DDX46: variants seen among roughly 807,000 people sequenced by gnomAD.
DDX46 encodes the protein DEAD-box helicase 46.
In DDX46, 30 loss-of-function variants were observed where a neutral mutation model predicts 134.9. The ratio of observed to expected loss-of-function variants is 0.22; its 90% CI spans 0.17 to 0.30. The LOEUF (loss-of-function observed/expected upper bound fraction) is 0.30. Among genes scored for constraint, DDX46 ranks in the 10% least tolerant of loss-of-function variants. The pLI, the probability that DDX46 is intolerant of heterozygous loss-of-function variation, is 1.00. For missense variants in DDX46, 622 were observed against 1,248.7 expected (o/e 0.50, Z 7.56); for synonymous variants, 415 against 404.1 (o/e 1.03, Z -0.32).
intron 18 of DDX46, 117 bp from the exon 19 acceptor site, chr5:134,816,313 A>G (rs1035003612): frequency 1.1e-6 from 1 of 936,900 alleles, no homozygotes; most frequent in Non-Finnish European, 1.5e-6. Context: ...TTGTGTAAAT[A>G]TAACTATCTG....
At chr5:134,805,796 G>GT (rs1325710497) in intron 15 of DDX46, among the ~76,000 whole-genome samples, 1 of 152,066 alleles carries the variant, frequency 6.6e-6, no homozygotes, top group Non-Finnish European at 1.5e-5. Flanking sequence ...GCCTCCGAAA[G>GT]TGCTGGGATT....
intron 11 of DDX46, among the ~76,000 whole-genome samples, chr5:134,786,513 C>G (rs1279415437): frequency 6.6e-6 from 1 of 152,058 alleles, no homozygotes; most frequent in Non-Finnish European, 1.5e-5. Context: ...TCTCTGATCT[C>G]TGAGCATTTG....
chr5:134,793,021 G>A (rs763775388), intron 13 of DDX46, among the ~76,000 whole-genome samples: 22 of 152,090 alleles, frequency 1.4e-4, no homozygotes, highest in Non-Finnish European at 2.6e-4. Flanking sequence ...GCTGGGTGTG[G>A]GGGCATGCGC....
chr5:134,809,577 G>A (rs1391277607), intron 16 of DDX46, among the ~76,000 whole-genome samples: 1 of 151,906 alleles, frequency 6.6e-6, no homozygotes, highest in Non-Finnish European at 1.5e-5. Flanking sequence ...ACTAAAACCT[G>A]TGTTAGCCAG....
chr5:134,780,893 G>C, intron 6 of DDX46: 1 of 259,148 alleles, frequency 3.9e-6, no homozygotes, highest in Non-Finnish European at 7.2e-6. Context: ...AACTGGGTTT[G>C]GTGACATGTG....
In DDX46 at chr5:134,811,332, A is replaced by G; in HGVS notation, c.2260A>G (p.Ser754Gly). 1 of 1,614,062 alleles carries G rather than the reference A, an allele frequency of 6.2e-7. No homozygotes were observed. Among genetic ancestry groups the G allele is most frequent in the Middle Eastern group, 1.7e-4 (1 of 6,058 alleles). Reference sequence around the variant, plus strand: ...ACCTCCTGATTTAGAGAAACTGTGGAGTGATTTCAAAGATCAGCAGAAAGC... The same window carrying G: ...ACCTCCTGATTTAGAGAAACTGTGGGGTGATTTCAAAGATCAGCAGAAAGC... ...AVPPDLEKLW[S>G]DFKDQQKAEG... Residue 754 changes from serine to glycine, a missense_variant, in exon 17 of 23, where the codon AGT becomes GGT. Physicochemically the swap from Ser to Gly is moderately conservative, Grantham distance 56. Around this residue, in one of 8 missense-constraint regions of DDX46, gnomAD observed 209 missense variants for 508.4 expected, o/e 0.41. Coordinates refer to ENST00000452510, the MANE Select transcript of DDX46 (RefSeq NM_001300860.2).
intron 15 of DDX46, among the ~76,000 whole-genome samples, chr5:134,806,334 ATG>A (rs1754986039): frequency 6.6e-6 from 1 of 152,080 alleles, no homozygotes; most frequent in Admixed American, 6.6e-5. Context: ...ATACCTGACT[ATG>A]TGTTGGGTTG....
In DDX46 at chr5:134,826,940, T is replaced by A. The variant is rs1400772302; in HGVS notation, c.2978-7T>A. On this transcript the variant is annotated splice_polypyrimidine_tract_variant and splice_region_variant and intron_variant, in intron 21 of 22. Coordinates refer to ENST00000452510, the MANE Select transcript of DDX46 (RefSeq NM_001300860.2). ...TTTGAATAATATGCTTTCCACTCAATCACTAGGTGCCAATGAACTGGCTGT... is the reference window on the plus strand; with the variant it reads ...TTTGAATAATATGCTTTCCACTCAAACACTAGGTGCCAATGAACTGGCTGT... The A allele has an allele frequency of 6.2e-7, 1 of 1,611,954 alleles. No individual in the cohort carries two copies. The highest frequency in any genetic ancestry group is 8.5e-7 in the Non-Finnish European group (1 of 1,179,262).
intron 14 of DDX46, among the ~76,000 whole-genome samples, chr5:134,795,242 T>G (rs1331356424): frequency 6.9e-6 from 1 of 145,564 alleles, no homozygotes; most frequent in Non-Finnish European, 1.5e-5. Context: ...CTGGGTGCAG[T>G]GGTGCATGCC....
intron 9 of DDX46, 38 bp from the exon 10 acceptor site, chr5:134,784,328 C>T (rs540460715): frequency 6.4e-7 from 1 of 1,565,580 alleles, no homozygotes; most frequent in African/African-American, 1.4e-5. Flanking sequence ...CCAGCAATCT[C>T]AATTCTTACC....
intron 1 of DDX46, among the ~76,000 whole-genome samples, chr5:134,759,582 A>G (rs1394201462): frequency 1.3e-5 from 2 of 152,202 alleles, no homozygotes; most frequent in African/African-American, 2.4e-5. Flanking sequence ...TCTCATCACA[A>G]CTTTAGATTG....
chr5:134,778,199 G>A (rs927114959), intron 6 of DDX46, among the ~76,000 whole-genome samples: 8 of 151,500 alleles, frequency 5.3e-5, no homozygotes, highest in Non-Finnish European at 7.4e-5. Flanking sequence ...TTGTATTTTG[G>A]TAGAGATGAG....
chr5:134,807,733 C>A lies in DDX46; in HGVS notation c.1955-15C>A, dbSNP rs1047944865. 1.3e-6 allele frequency: 2 copies of A among 1,599,634 alleles called. No homozygotes were observed. Among genetic ancestry groups the A allele is most frequent in the South Asian group, 2.2e-5 (2 of 88,904 alleles). On this transcript the variant is annotated splice_polypyrimidine_tract_variant and intron_variant, in intron 15 of 22. Coordinates refer to ENST00000452510, the MANE Select transcript of DDX46 (RefSeq NM_001300860.2). ...TAATTTGAACATGTTTTAAAGCTCT[C>A]TAATTTACTTGCAGGCATTGATCAA... is the stretch of plus-strand genomic sequence containing the variant.
rs1182776449 is a variant in DDX46, at chr5:134,828,778, T to A, written c.*72T>A. The A allele has an allele frequency of 8.9e-7, 1 of 1,119,914 alleles. No homozygotes were observed. The highest frequency in any genetic ancestry group is 1.2e-6 in the Non-Finnish European group (1 of 831,060). The allele number at this position is 1,119,914 out of a possible 1,614,324, so 69.4% of individuals were successfully genotyped here. ...GGCAGTTGCTGTCTGCAGTTTACAA[T>A]GTATTGTAAATGAAGATTTTTTAAA... On this transcript the variant is annotated 3_prime_UTR_variant, in exon 23 of 23. Transcript: ENST00000452510.
At chr5:134,818,739 A>AGT in intron 20 of DDX46, 121 bp from the exon 21 acceptor site, 1 of 538,196 alleles carries the variant, frequency 1.9e-6, no homozygotes, top group Non-Finnish European at 3.0e-6. Context: ...ATATATGGAG[A>AGT]GAGAGAGAGA....
At chr5:134,764,365 C>T (rs1753493112) in intron 2 of DDX46, among the ~76,000 whole-genome samples, 3 of 151,930 alleles carry the variant, frequency 2.0e-5, no homozygotes, top group Admixed American at 2.0e-4. Flanking sequence ...TCACTGCAAC[C>T]TCCACCTCCT....
rs417588 is a variant in DDX46 at position 134,788,253 on chromosome 5, G to T, written c.1465-260G>T. On this transcript the variant is annotated intron_variant, in intron 11 of 22. Transcript: ENST00000452510. The stretch of plus-strand genomic sequence containing the variant: ...GATTATCACTTTTTTTTTTTAAACT[G>T]CTTTCTTAAGTTCATTTCTTGGTTT... Among the ~76,000 whole-genome samples the T allele has an allele frequency of 0.029, 4,391 of 151,090 alleles. 121 individuals are homozygous for T. The highest frequency in any genetic ancestry group is 0.077 in the African/African-American group (3,170 of 41,134).
chr5:134,818,260 A>AC (rs1755338812), intron 20 of DDX46, among the ~76,000 whole-genome samples: 1 of 150,294 alleles, frequency 6.7e-6, no homozygotes, highest in South Asian at 2.1e-4. Context: ...AGCCTGGCTA[A>AC]TTTTTCTATT....
intron 2 of DDX46, among the ~76,000 whole-genome samples, chr5:134,764,876 A>G (rs1352807085): frequency 9.7e-6 from 1 of 103,544 alleles, no homozygotes; most frequent in South Asian, 3.0e-4. Context: ...CTTCCCTTCC[A>G]CTCTCTCTCC....
Sources: gnomAD v4.1 joint callset for allele counts (sites outside exome capture counted in the v4.1 genomes callset) on GRCh38, gnomAD v4.1.1 for gene constraint, gnomAD v4.1.1 regional missense constraint, MANE v1.5 for transcripts, NCBI Gene and HGNC (gene_info 2026-07-23, HGNC 2026-07-21) for gene names.